The following AGBL1 variants were observed in gnomAD, a reference collection of about 807,000 sequenced individuals.
The protein encoded by AGBL1 is cytosolic carboxypeptidase 4.
Under a neutral mutation model 118.9 loss-of-function variants are expected in AGBL1, and 130 were observed. The observed-to-expected ratio is 1.09, with a 90% CI of 0.95 to 1.26. The LOEUF (loss-of-function observed/expected upper bound fraction) is 1.26. Ranked by LOEUF, AGBL1 falls within the 50% of genes most tolerant of loss-of-function variation. The pLI is 0.00. For synonymous variants in AGBL1, 555 were observed against 478.9 expected (o/e 1.16, Z -2.08); for missense variants, 1,584 against 1,298.1 (o/e 1.22, Z -3.38).
chr15:86,441,874 G>A (rs1007342219), intron 18 of AGBL1, among the ~76,000 whole-genome samples: 5 of 152,234 alleles, frequency 3.3e-5, no homozygotes, highest in Non-Finnish European at 7.3e-5. Flanking sequence ...CACCTCTCAG[G>A]TGCTGGGCTG....
Position 86,433,268 on chromosome 15 carries a change from T to C in AGBL1, c.2555+35722T>C, listed in dbSNP as rs1163881622. Among the ~76,000 whole-genome samples the C allele has an allele frequency of 3.2e-3, 281 of 87,430 alleles. 3 individuals are homozygous for C. Among genetic ancestry groups the C allele is most frequent in the African/African-American group, 0.013 (258 of 19,480 alleles). The allele number at this position is 87,430 out of a possible 152,430, so 57.4% of individuals were successfully genotyped here. ...TCCTCCTCCTCCTCCTCCTTCTTCT[T>C]TTTTTTTTTTTTTTTTTTTTTTTTT... On this transcript the variant is annotated intron_variant, in intron 18 of 22. Transcript: ENST00000614907.
intron 19 of AGBL1, among the ~76,000 whole-genome samples, chr15:86,532,383 C>G (rs2083362762): frequency 6.8e-6 from 1 of 146,560 alleles, no homozygotes; most frequent in African/African-American, 2.5e-5. Context: ...GAATAAAATA[C>G]CTAGGAATCC....
chr15:86,781,531 G>C (rs959745336), intron 22 of AGBL1, among the ~76,000 whole-genome samples: 1 of 152,126 alleles, frequency 6.6e-6, no homozygotes, highest in African/African-American at 2.4e-5. Context: ...AGGACTCTTA[G>C]AGATCGTTTT....
chr15:86,138,973 A>G (rs1490355220), intron 1 of AGBL1, among the ~76,000 whole-genome samples: 1 of 152,144 alleles, frequency 6.6e-6, no homozygotes, highest in Non-Finnish European at 1.5e-5. Flanking sequence ...CAAATAATAG[A>G]TCAGTTGCTG....
chr15:86,220,769 T>C (rs1597577688), intron 5 of AGBL1, among the ~76,000 whole-genome samples: 2 of 152,190 alleles, frequency 1.3e-5, no homozygotes, highest in African/African-American at 4.8e-5. Flanking sequence ...GATGTAAACA[T>C]GGGGACATCC....
intron 5 of AGBL1, among the ~76,000 whole-genome samples, chr15:86,189,098 T>C (rs980986484): frequency 1.7e-4 from 26 of 152,224 alleles, no homozygotes; most frequent in Non-Finnish European, 3.2e-4. Context: ...AAACAGAACT[T>C]TCTCAATTTC....
intron 17 of AGBL1, among the ~76,000 whole-genome samples, chr15:86,388,352 C>T (rs1252736884): frequency 1.3e-5 from 2 of 152,078 alleles, no homozygotes; most frequent in African/African-American, 2.4e-5. Context: ...ATTTTGCTTC[C>T]TGTTAGCAGC....
chr15:86,245,813 G>T (rs923247174), intron 6 of AGBL1, among the ~76,000 whole-genome samples: 1 of 152,190 alleles, frequency 6.6e-6, no homozygotes, highest in South Asian at 2.1e-4. Context: ...TCACTACCAC[G>T]TAGAGTCTAT....
chr15:86,493,550 G>T (rs1190161123), intron 18 of AGBL1, among the ~76,000 whole-genome samples: 3 of 152,018 alleles, frequency 2.0e-5, no homozygotes, highest in South Asian at 2.1e-4. Context: ...CCCATTGAGA[G>T]CCAGAATAAT....
At chr15:86,588,474 G>T (rs987493741) in intron 21 of AGBL1, among the ~76,000 whole-genome samples, 4 of 152,220 alleles carry the variant, frequency 2.6e-5, no homozygotes, top group Non-Finnish European at 5.9e-5. Flanking sequence ...GCTGTGTCCT[G>T]CAAGGGAGAA....
chr15:86,433,942 C>T (rs2081970684), intron 18 of AGBL1, among the ~76,000 whole-genome samples: 1 of 152,174 alleles, frequency 6.6e-6, no homozygotes, highest in South Asian at 2.1e-4. Flanking sequence ...TATTGGGACC[C>T]AGTTTATAAA....
At chr15:86,389,164 T>A (rs1275472091) in intron 17 of AGBL1, among the ~76,000 whole-genome samples, 5 of 152,060 alleles carry the variant, frequency 3.3e-5, no homozygotes, top group Non-Finnish European at 7.4e-5. Context: ...ATTAAAAAAA[T>A]AAGGAGTATA....
chr15:86,741,709 C>T (rs781715741), intron 22 of AGBL1, among the ~76,000 whole-genome samples: 3 of 152,026 alleles, frequency 2.0e-5, no homozygotes, highest in Non-Finnish European at 4.4e-5. Context: ...TGAAACACCA[C>T]AGCTTGATGA....
At chr15:86,993,901 C>T (rs770607568) in intron 24 of AGBL1, among the ~76,000 whole-genome samples, 40 of 152,060 alleles carry the variant, frequency 2.6e-4, no homozygotes, top group Non-Finnish European at 2.6e-4. Context: ...GGACTCCTCT[C>T]GAAGGGTAGG....
At chr15:86,454,257 A>G (rs375047365) in intron 18 of AGBL1, among the ~76,000 whole-genome samples, 2 of 152,174 alleles carry the variant, frequency 1.3e-5, no homozygotes, top group East Asian at 1.9e-4. Flanking sequence ...TGCTTATTTC[A>G]TCATTAAAAA....
At chr15:86,152,082 G>C (rs911980794) in intron 3 of AGBL1, among the ~76,000 whole-genome samples, 2 of 152,140 alleles carry the variant, frequency 1.3e-5, no homozygotes, top group Admixed American at 1.3e-4. Context: ...TCGTGAAAAT[G>C]GCCATACTGC....
At chr15:86,849,186 C>G (rs2079362751) in intron 22 of AGBL1, among the ~76,000 whole-genome samples, 1 of 152,208 alleles carries the variant, frequency 6.6e-6, no homozygotes, top group Non-Finnish European at 1.5e-5. Flanking sequence ...GTGCTGTAAA[C>G]TTCTAAATGA....
At chr15:86,690,921 C>A (rs141173676) in intron 22 of AGBL1, among the ~76,000 whole-genome samples, 1 of 152,016 alleles carries the variant, frequency 6.6e-6, no homozygotes, top group African/African-American at 2.4e-5. Context: ...TTTATGAATT[C>A]TATTGTTCAT....
intron 18 of AGBL1, among the ~76,000 whole-genome samples, chr15:86,451,273 A>C (rs538664663): frequency 3.6e-4 from 55 of 152,216 alleles, no homozygotes; most frequent in Non-Finnish European, 6.5e-4. Context: ...CATGTAAGCT[A>C]AGAAGAGAAA....
Sources: gnomAD v4.1 joint callset for allele counts (sites outside exome capture counted in the v4.1 genomes callset) on GRCh38, gnomAD v4.1.1 for gene constraint, MANE v1.5 for transcripts, NCBI Gene and HGNC (gene_info 2026-07-23, HGNC 2026-07-21) for gene names.